Variants in CDH13 observed in about 807,000 individuals in gnomAD.
CDH13 encodes cadherin-13.
Under a neutral mutation model 63.8 loss-of-function variants are expected in CDH13, and 24 were observed. That is an observed-to-expected ratio of 0.38 (90% confidence interval 0.27 to 0.53). The LOEUF (loss-of-function observed/expected upper bound fraction) is 0.53. Among genes scored for constraint, CDH13 ranks in the 20% least tolerant of loss-of-function variants. The pLI is 0.85. For missense variants in CDH13, 1,049 were observed against 903.1 expected, an observed-to-expected ratio of 1.16 and a Z score of -2.07; for synonymous variants, 503 against 355.3, an observed-to-expected ratio of 1.42 and a Z score of -4.67.
At chr16:83,691,527 A>C (rs1904882235) in intron 10 of CDH13, among the ~76,000 whole-genome samples, 1 of 152,012 alleles carries the variant, frequency 6.6e-6, no homozygotes, top group South Asian at 2.1e-4. Flanking sequence ...TTGCAAAGAA[A>C]AGTACATAGC....
rs369928595 is a variant in CDH13 at position 82,779,770 on chromosome 16, A to G, written c.46-78592A>G. Among the ~76,000 whole-genome samples the G allele has an allele frequency of 5.3e-5, 8 of 152,170 alleles. No homozygotes were observed. The South Asian group carries it at 1.7e-3, about 32-fold the overall frequency. Reference sequence around the variant, plus strand: ...GTGCTGTGTGAATATACCTTTGTGTATCTGTGTAGCAGGTAGTGGTAGAAA... The same window carrying G: ...GTGCTGTGTGAATATACCTTTGTGTGTCTGTGTAGCAGGTAGTGGTAGAAA... On this transcript the variant is annotated intron_variant, in intron 1 of 13. Coordinates refer to ENST00000567109, the MANE Select transcript of CDH13 (RefSeq NM_001257.5).
At chr16:83,139,685 A>G (rs1240784511) in intron 4 of CDH13, among the ~76,000 whole-genome samples, 1 of 152,144 alleles carries the variant, frequency 6.6e-6, no homozygotes, top group Non-Finnish European at 1.5e-5. Flanking sequence ...ATTTTAGAGA[A>G]AAATACACAT....
chr16:82,630,383 A>G (rs964322055), intron 1 of CDH13, among the ~76,000 whole-genome samples: 2 of 152,206 alleles, frequency 1.3e-5, no homozygotes, highest in Middle Eastern at 3.2e-3. Flanking sequence ...AAAGCTGAGT[A>G]TGTAATCTGG....
intron 7 of CDH13, among the ~76,000 whole-genome samples, chr16:83,596,514 GA>G (rs1489611796): frequency 6.6e-6 from 1 of 152,200 alleles, no homozygotes; most frequent in African/African-American, 2.4e-5. Context: ...TCCTCCTGGA[GA>G]AAGGGCATCT....
Position 82,693,138 on chromosome 16 carries a change from G to A in CDH13, c.45+66001G>A, listed in dbSNP as rs117304704. Among the ~76,000 whole-genome samples the A allele has an allele frequency of 5.2e-3, 786 of 152,292 alleles. 4 individuals carry two copies. The highest frequency in any genetic ancestry group is 0.014 in the South Asian group (66 of 4,820). ...TAATAGCCTCAAAGGAAATGAATCTGCCAGTTATCATGCCATGGACTTTGA... is the reference window on the plus strand; with the variant it reads ...TAATAGCCTCAAAGGAAATGAATCTACCAGTTATCATGCCATGGACTTTGA... On this transcript the variant is annotated intron_variant, in intron 1 of 13. Coordinates refer to ENST00000567109, the MANE Select transcript of CDH13 (RefSeq NM_001257.5).
At chr16:83,416,038 G>C (rs1435901482) in intron 6 of CDH13, among the ~76,000 whole-genome samples, 2 of 152,104 alleles carry the variant, frequency 1.3e-5, no homozygotes, top group Non-Finnish European at 2.9e-5. Context: ...ATTAATAAAT[G>C]AATTTAGTAA....
intron 1 of CDH13, among the ~76,000 whole-genome samples, chr16:82,831,966 G>T (rs999105443): frequency 6.6e-6 from 1 of 152,178 alleles, no homozygotes; most frequent in African/African-American, 2.4e-5. Flanking sequence ...TTATCACATG[G>T]AATATGATAG....
At chr16:82,920,208 G>A in intron 2 of CDH13, among the ~76,000 whole-genome samples, 1 of 152,150 alleles carries the variant, frequency 6.6e-6, no homozygotes, top group East Asian at 1.9e-4. Context: ...TCTTTGCTTG[G>A]CTTTTGTCTG....
intron 12 of CDH13, among the ~76,000 whole-genome samples, chr16:83,781,918 G>A (rs1243439636): frequency 2.0e-5 from 3 of 150,056 alleles, no homozygotes; most frequent in Non-Finnish European, 4.4e-5. Flanking sequence ...CATGTACCCC[G>A]GAACTTCAAT....
chr16:82,639,494 G>C (rs184153489), intron 1 of CDH13: 99 of 1,440,558 alleles, frequency 6.9e-5, no homozygotes, highest in Admixed American at 1.6e-4. Context: ...GTGTCGTGTG[G>C]CTGGATGGAA....
At chr16:83,322,340 C>T (rs768866690) in intron 5 of CDH13, among the ~76,000 whole-genome samples, 2 of 152,146 alleles carry the variant, frequency 1.3e-5, no homozygotes, top group African/African-American at 4.8e-5. Flanking sequence ...TATGGAGCAG[C>T]CAGAGAACAT....
intron 6 of CDH13, among the ~76,000 whole-genome samples, chr16:83,448,410 A>G (rs987169313): frequency 6.6e-6 from 1 of 152,214 alleles, no homozygotes; most frequent in African/African-American, 2.4e-5. Context: ...AGTTCTGTGC[A>G]TGACACTGGG....
At position 83,602,380 on chromosome 16, in the gene CDH13, C is replaced by T. The variant is rs1598355062; in HGVS notation, c.961-74C>T. On this transcript the variant is annotated intron_variant, in intron 7 of 13. Transcript: ENST00000567109. ...GGAGGGGGAGAGACAGCTCCAGCAACACGCCTGCCACCTTTCCAAAGCAGT... is the reference window on the plus strand; with the variant it reads ...GGAGGGGGAGAGACAGCTCCAGCAATACGCCTGCCACCTTTCCAAAGCAGT... 7.4e-6 allele frequency: 11 copies of T among 1,489,894 alleles called. No homozygotes were observed. In the East Asian group the frequency reaches 2.3e-4, roughly 31 times the overall value. The allele number at this position is 1,489,894 out of a possible 1,614,324, so 92.3% of individuals were successfully genotyped here.
intron 6 of CDH13, among the ~76,000 whole-genome samples, chr16:83,419,884 C>G (rs2071664068): frequency 6.6e-6 from 1 of 151,072 alleles, no homozygotes; most frequent in Non-Finnish European, 1.5e-5. Context: ...TACATAATAA[C>G]AGGAATTTCT....
At chr16:83,379,930 T>TAGAGAG (rs1366582319) in intron 6 of CDH13, among the ~76,000 whole-genome samples, 125 of 88,230 alleles carry the variant, frequency 1.4e-3, no homozygotes, top group Non-Finnish European at 2.6e-3. Flanking sequence ...TATATATATA[T>TAGAGAG]ATATATATAG....
chr16:82,893,849 C>T (rs532827326), intron 2 of CDH13, among the ~76,000 whole-genome samples: 9 of 152,292 alleles, frequency 5.9e-5, no homozygotes, highest in African/African-American at 2.2e-4. Flanking sequence ...TCGCTAAGCT[C>T]CTGACTGCAT....
In CDH13 at chr16:83,374,459, T is replaced by C. The variant is rs148467274; in HGVS notation, c.781+29453T>C. The stretch of plus-strand genomic sequence containing the variant: ...TCTCTGATAAAGTCAATTATCAGTG[T>C]ATGTGCTGCTCTGTTCACAGTTTTG... On this transcript the variant is annotated intron_variant, in intron 6 of 13. Transcript: ENST00000567109. Among the ~76,000 whole-genome samples the C allele has an allele frequency of 3.9e-5, 6 of 152,324 alleles. No individual in the cohort carries two copies. In the East Asian group the frequency reaches 1.2e-3, roughly 29 times the overall value.
chr16:83,689,043 T>C (rs913495452), intron 10 of CDH13, among the ~76,000 whole-genome samples: 6 of 152,194 alleles, frequency 3.9e-5, no homozygotes. Flanking sequence ...GGTAAATGGA[T>C]GAAAGGCTAT....
chr16:83,443,047 G>C (rs1272400571), intron 6 of CDH13, among the ~76,000 whole-genome samples: 4 of 152,204 alleles, frequency 2.6e-5, no homozygotes, highest in African/African-American at 9.7e-5. Flanking sequence ...ACTCTGCAGT[G>C]CTACAGCTGT....
Sources: gnomAD v4.1 joint callset for allele counts (sites outside exome capture counted in the v4.1 genomes callset) on GRCh38, gnomAD v4.1.1 for gene constraint, MANE v1.5 for transcripts, NCBI Gene and HGNC (gene_info 2026-07-23, HGNC 2026-07-21) for gene names.